Variants in KCNMB2 observed in about 807,000 individuals in gnomAD.
KCNMB2 encodes potassium calcium-activated channel subfamily M regulatory beta subunit 2.
KCNMB2 carries 9 observed loss-of-function variants against 24.5 expected under a neutral mutation model. The ratio of observed to expected loss-of-function variants is 0.37; its 90% CI spans 0.22 to 0.64. KCNMB2 has a LOEUF of 0.64. Ranked by LOEUF, KCNMB2 falls within the 30% of genes least tolerant of loss-of-function variation. The pLI is 0.63. For missense variants in KCNMB2, 226 were observed against 284.3 expected, an observed-to-expected ratio of 0.79 and a Z score of 1.47; for synonymous variants, 109 against 104.4, an observed-to-expected ratio of 1.04 and a Z score of -0.27.
intron 1 of KCNMB2, among the ~76,000 whole-genome samples, chr3:178,784,395 T>C (rs1046855110): frequency 1.3e-5 from 2 of 152,122 alleles, no homozygotes; most frequent in African/African-American, 4.8e-5. Context: ...GATCCATGCT[T>C]CCTCTTTGTA....
chr3:178,667,235 G>A (rs774613184), intron 1 of KCNMB2, among the ~76,000 whole-genome samples: 4 of 152,018 alleles, frequency 2.6e-5, no homozygotes, highest in Non-Finnish European at 4.4e-5. Flanking sequence ...TTAAGACACA[G>A]ACACACAGAG....
chr3:178,624,111 A>G (rs1219666679), intron 1 of KCNMB2, among the ~76,000 whole-genome samples: 1 of 152,194 alleles, frequency 6.6e-6, no homozygotes, highest in Non-Finnish European at 1.5e-5. Context: ...CCCCTGATCC[A>G]AAGGAGAGCT....
At chr3:178,761,207 G>T (rs1293155978) in intron 1 of KCNMB2, among the ~76,000 whole-genome samples, 1 of 152,172 alleles carries the variant, frequency 6.6e-6, no homozygotes, top group African/African-American at 2.4e-5. Flanking sequence ...ATGAATCATA[G>T]TGAGTGACAT....
intron 1 of KCNMB2, among the ~76,000 whole-genome samples, chr3:178,623,241 C>T (rs148039998): frequency 1.6e-4 from 25 of 152,276 alleles, no homozygotes; most frequent in Admixed American, 9.8e-4. Flanking sequence ...CCTCAGATAC[C>T]GCTTCAATCA....
intron 1 of KCNMB2, among the ~76,000 whole-genome samples, chr3:178,669,093 A>C (rs1223161709): frequency 6.6e-6 from 1 of 152,168 alleles, no homozygotes; most frequent in African/African-American, 2.4e-5. Flanking sequence ...CAAAAATAAC[A>C]TGAAAATCCT....
chr3:178,610,523 G>A (rs1340234389), intron 1 of KCNMB2, among the ~76,000 whole-genome samples: 1 of 152,026 alleles, frequency 6.6e-6, no homozygotes. Flanking sequence ...TATTTTAAAT[G>A]GGATTACTTT....
intron 1 of KCNMB2, among the ~76,000 whole-genome samples, chr3:178,688,192 G>T (rs535718164): frequency 3.7e-4 from 57 of 152,180 alleles, no homozygotes; most frequent in Middle Eastern, 6.8e-3. Flanking sequence ...TGAGTGCTCA[G>T]GTGAAAAATA....
chr3:178,688,388 T>C (rs1044542312), intron 1 of KCNMB2, among the ~76,000 whole-genome samples: 2 of 152,112 alleles, frequency 1.3e-5, no homozygotes, highest in Non-Finnish European at 2.9e-5. Context: ...ATACCTCAGG[T>C]TCTAAATTAA....
chr3:178,586,154 G>A (rs898090819), intron 1 of KCNMB2, among the ~76,000 whole-genome samples: 1 of 152,162 alleles, frequency 6.6e-6, no homozygotes, highest in South Asian at 2.1e-4. Flanking sequence ...TGTGTCAAGA[G>A]GGGATTTTGT....
chr3:178,631,048 T>C (rs1430207779), intron 1 of KCNMB2, among the ~76,000 whole-genome samples: 1 of 152,198 alleles, frequency 6.6e-6, no homozygotes, highest in Non-Finnish European at 1.5e-5. Context: ...TAAAACTATA[T>C]AGCATTTTTA....
chr3:178,683,556 T>C (rs1465037802), intron 1 of KCNMB2, among the ~76,000 whole-genome samples: 1 of 152,222 alleles, frequency 6.6e-6, no homozygotes, highest in African/African-American at 2.4e-5. Context: ...TTTTACATTC[T>C]TTTTATGCTA....
At chr3:178,663,787 G>A (rs193249272) in intron 1 of KCNMB2, among the ~76,000 whole-genome samples, 1 of 152,060 alleles carries the variant, frequency 6.6e-6, no homozygotes, top group Non-Finnish European at 1.5e-5. Flanking sequence ...ATTCATCTGG[G>A]CTTTCCCTAT....
chr3:178,736,023 C>T (rs1723304638), intron 1 of KCNMB2, among the ~76,000 whole-genome samples: 1 of 152,172 alleles, frequency 6.6e-6, no homozygotes, highest in African/African-American at 2.4e-5. Context: ...ACATTTCACA[C>T]ATCTTTTTTA....
At chr3:178,619,182 T>C (rs1718819729) in intron 1 of KCNMB2, among the ~76,000 whole-genome samples, 1 of 152,126 alleles carries the variant, frequency 6.6e-6, no homozygotes, top group African/African-American at 2.4e-5. Flanking sequence ...TACAGTCTAG[T>C]AGGGGAAGGA....
chr3:178,763,739 G>A (rs1306590592), intron 1 of KCNMB2, among the ~76,000 whole-genome samples: 3 of 152,126 alleles, frequency 2.0e-5, no homozygotes, highest in Non-Finnish European at 4.4e-5. Context: ...AGAATCAAAC[G>A]AAACACACCA....
chr3:178,806,157 AT>A (rs1713959072), intron 1 of KCNMB2, among the ~76,000 whole-genome samples: 2 of 152,310 alleles, frequency 1.3e-5, no homozygotes, highest in African/African-American at 4.8e-5. Flanking sequence ...TATATTTTTC[AT>A]TTAAAAACTA....
chr3:178,785,039 T>C (rs923889682), intron 1 of KCNMB2, among the ~76,000 whole-genome samples: 6 of 151,994 alleles, frequency 3.9e-5, no homozygotes, highest in African/African-American at 1.4e-4. Flanking sequence ...TTTAGCATGT[T>C]AGGAATCAGG....
chr3:178,575,854 G>A (rs1716970898), intron 1 of KCNMB2, among the ~76,000 whole-genome samples: 1 of 152,180 alleles, frequency 6.6e-6, no homozygotes, highest in Non-Finnish European at 1.5e-5. Flanking sequence ...TGGTAACACT[G>A]TGAACACTGT....
At chr3:178,620,692 T>C (rs1426865658) in intron 1 of KCNMB2, among the ~76,000 whole-genome samples, 1 of 152,200 alleles carries the variant, frequency 6.6e-6, no homozygotes, top group East Asian at 1.9e-4. Context: ...CATAATGTAT[T>C]TTGGGGAAAC....
Sources: allele counts gnomAD v4.1 joint callset (sites outside exome capture counted in the v4.1 genomes callset), GRCh38; gene constraint gnomAD v4.1.1; transcripts MANE v1.5; gene names NCBI Gene and HGNC (gene_info 2026-07-23, HGNC 2026-07-21).